Variants in SHROOM3 observed in about 807,000 individuals in gnomAD.
SHROOM3 encodes protein Shroom3.
In SHROOM3, 47 loss-of-function variants were observed where a neutral mutation model predicts 138.6. The ratio of observed to expected loss-of-function variants is 0.34; its 90% CI spans 0.27 to 0.43. SHROOM3 has a LOEUF of 0.43. Among genes scored for constraint, SHROOM3 ranks in the 20% least tolerant of loss-of-function variants. The probability of loss-of-function intolerance (pLI) is 1.00; values close to 1 mark genes in which losing one functional copy is unlikely to be tolerated. For synonymous variants in SHROOM3, 1,062 were observed against 1,063.3 expected (o/e 1.00, Z 0.02); for missense variants, 2,491 against 2,596.5 (o/e 0.96, Z 0.88).
At chr4:76,732,873 T>C (rs1362886368) in intron 4 of SHROOM3, among the ~76,000 whole-genome samples, 2 of 152,212 alleles carry the variant, frequency 1.3e-5, no homozygotes, top group Non-Finnish European at 2.9e-5. Flanking sequence ...ATTGGATTGT[T>C]GTGAGGATTA....
At chr4:76,680,117 G>A (rs371810898) in intron 2 of SHROOM3, among the ~76,000 whole-genome samples, 1 of 150,312 alleles carries the variant, frequency 6.7e-6, no homozygotes, top group Admixed American at 6.6e-5. Context: ...AGGTTTTGTT[G>A]TTTGGATTGC....
intron 9 of SHROOM3, among the ~76,000 whole-genome samples, chr4:76,763,923 G>A (rs974799252): frequency 3.9e-5 from 6 of 152,048 alleles, no homozygotes; most frequent in African/African-American, 9.7e-5. Flanking sequence ...TTCTAATGAT[G>A]GTTTAGAAAA....
intron 2 of SHROOM3, among the ~76,000 whole-genome samples, chr4:76,661,253 C>T (rs961306416): frequency 2.0e-5 from 3 of 149,572 alleles, no homozygotes; most frequent in Non-Finnish European, 3.0e-5. Context: ...TTTTCTGAGA[C>T]GGAGTCTCGC....
chr4:76,730,941 T>G lies in SHROOM3; in HGVS notation c.587+6T>G, dbSNP rs1720856514. ...CACCAAAGCTACCATTCCAGGTAAG[T>G]GGCTATAGCTGAGACTGAAGGGTTT... On this transcript the variant is annotated splice_donor_region_variant and intron_variant, in intron 4 of 10. Coordinates refer to ENST00000296043, the MANE Select transcript of SHROOM3 (RefSeq NM_020859.4). 6.2e-7 allele frequency: 1 copy of G among 1,613,954 alleles called. No individual in the cohort carries two copies. Among genetic ancestry groups the G allele is most frequent in the African/African-American group, 1.3e-5 (1 of 74,932 alleles).
At chr4:76,534,102 G>T (rs2110017066) in intron 1 of SHROOM3, among the ~76,000 whole-genome samples, 1 of 152,338 alleles carries the variant, frequency 6.6e-6, no homozygotes, top group East Asian at 1.9e-4. Context: ...CTGGCCCAGT[G>T]CCTGGTATGC....
At chr4:76,507,136 C>T (rs531435815) in intron 1 of SHROOM3, among the ~76,000 whole-genome samples, 1 of 152,146 alleles carries the variant, frequency 6.6e-6, no homozygotes, top group Admixed American at 6.5e-5. Context: ...TAACTTTATG[C>T]AACAAGGAAG....
At chr4:76,602,455 A>G (rs1261237433) in intron 2 of SHROOM3, among the ~76,000 whole-genome samples, 1 of 152,146 alleles carries the variant, frequency 6.6e-6, no homozygotes, top group African/African-American at 2.4e-5. Context: ...AATAAATGAT[A>G]CAGCCATATG....
intron 2 of SHROOM3, among the ~76,000 whole-genome samples, chr4:76,696,419 C>T (rs911789360): frequency 1.3e-5 from 2 of 152,216 alleles, no homozygotes; most frequent in African/African-American, 2.4e-5. Context: ...CCAGGTCTGG[C>T]TGGGGCGGAG....
At chr4:76,653,774 C>T (rs879493740) in intron 2 of SHROOM3, among the ~76,000 whole-genome samples, 3 of 152,176 alleles carry the variant, frequency 2.0e-5, no homozygotes, top group Admixed American at 2.0e-4. Context: ...CCATGTTGCA[C>T]AGGCTGGTCT....
chr4:76,651,416 A>G (rs1560580401), intron 2 of SHROOM3, among the ~76,000 whole-genome samples: 1 of 53,102 alleles, frequency 1.9e-5, no homozygotes, highest in East Asian at 6.9e-4. Context: ...ATATATATAT[A>G]TATATATATA....
At chr4:76,444,484 C>CTTTT (rs61655085) in intron 1 of SHROOM3, among the ~76,000 whole-genome samples, 320 of 60,190 alleles carry the variant, frequency 5.3e-3, no homozygotes, top group African/African-American at 5.8e-3. Context: ...CTCTTTCTTT[C>CTTTT]TTTTTTTTTT....
intron 2 of SHROOM3, among the ~76,000 whole-genome samples, chr4:76,622,361 T>C (rs1420752420): frequency 6.6e-6 from 1 of 152,076 alleles, no homozygotes; most frequent in Non-Finnish European, 1.5e-5. Context: ...AATCTTTTAC[T>C]TGAATGTCAA....
At chr4:76,684,442 C>A (rs1719279603) in intron 2 of SHROOM3, among the ~76,000 whole-genome samples, 2 of 152,176 alleles carry the variant, frequency 1.3e-5, no homozygotes, top group Non-Finnish European at 2.9e-5. Context: ...CTGTTTAAAC[C>A]TATACAGGTT....
chr4:76,461,020 TAAAAAAAAAAAG>T (rs200986114), intron 1 of SHROOM3, among the ~76,000 whole-genome samples: 11,954 of 141,638 alleles, frequency 0.084, 589 homozygotes, highest in South Asian at 0.2. Context: ...AAAAAAAATT[TAAAAAAAAAAAG>T]AAGAAAAAGC....
chr4:76,780,491 A>G lies in SHROOM3; in HGVS notation c.*1314A>G, dbSNP rs1354675224. On this transcript the variant is annotated 3_prime_UTR_variant, in exon 11 of 11. Coordinates refer to ENST00000296043, the MANE Select transcript of SHROOM3 (RefSeq NM_020859.4). ...TTGTTGATTTGGGCTTACGAGTTTCATAGTAGCCAGTCTTAGAAAATTGGG... is the reference window on the plus strand; with the variant it reads ...TTGTTGATTTGGGCTTACGAGTTTCGTAGTAGCCAGTCTTAGAAAATTGGG... The G allele has an allele frequency of 6.6e-6, 1 of 151,910 alleles. No homozygotes were observed. The highest frequency in any genetic ancestry group is 2.4e-5 in the African/African-American group (1 of 41,364). The allele number at this position is 151,910 out of a possible 1,614,324, so 9.4% of individuals were successfully genotyped here. A position where few individuals can be genotyped will look rare whatever the true frequency, so the allele number is the denominator to read the frequency against.
At chr4:76,674,496 G>A (rs1718972869) in intron 2 of SHROOM3, among the ~76,000 whole-genome samples, 1 of 146,200 alleles carries the variant, frequency 6.8e-6, no homozygotes, top group African/African-American at 2.5e-5. Context: ...TAGATCATAT[G>A]TCAAATTTAT....
chr4:76,528,544 C>CTTTTTTTTTTTTTTTTTTTTTT lies in SHROOM3; in HGVS notation c.169-27062_169-27061insTTTTTTTTTTTTTTTTTTTTTT, dbSNP rs146962643. On this transcript the variant is annotated intron_variant, in intron 1 of 10. Coordinates refer to ENST00000296043, the MANE Select transcript of SHROOM3 (RefSeq NM_020859.4). The stretch of plus-strand genomic sequence containing the variant: ...GGACTTCTCTCCTTTATCTTTCTTT[C>CTTTTTTTTTTTTTTTTTTTTTT]TTTCTTTTTTTTTTTTTTGAGGCAG... 9.7e-5 allele frequency among the ~76,000 whole-genome samples: 10 copies of CTTTTTTTTTTTTTTTTTTTTTT among 103,438 alleles called. 1 individual carries two copies. Among genetic ancestry groups the CTTTTTTTTTTTTTTTTTTTTTT allele is most frequent in the African/African-American group, 1.3e-4 (3 of 22,388 alleles). 67.9% of individuals were successfully genotyped at this position (103,438 alleles called of 152,430 possible). A position where few individuals can be genotyped will look rare whatever the true frequency, so the allele number is the denominator to read the frequency against.
intron 1 of SHROOM3, among the ~76,000 whole-genome samples, chr4:76,493,702 C>T (rs1184280936): frequency 1.3e-5 from 2 of 152,216 alleles, no homozygotes; most frequent in African/African-American, 4.8e-5. Flanking sequence ...AAATATTGGC[C>T]GGGTGTGGTG....
At position 76,740,686 on chromosome 4, in the gene SHROOM3, C is replaced by T; in HGVS notation, c.2513C>T (p.Ala838Val). 6.2e-7 allele frequency: 1 copy of T among 1,614,060 alleles called. No homozygotes were observed. The highest frequency in any genetic ancestry group is 1.1e-5 in the South Asian group (1 of 91,086). ...GCACACATTCGTTTCTCTGAGTCAG[C>T]TGAACCCCTAGGCAACGGGGAGCAG... ...TKAHIRFSES[A>V]EPLGNGEQHF... The change falls in exon 5 of 11, where the codon GCT becomes GTT. Residue 838 changes from alanine to valine, a missense_variant. Physicochemically the swap from Ala to Val is moderately conservative, Grantham distance 64. Coordinates refer to ENST00000296043, the MANE Select transcript of SHROOM3 (RefSeq NM_020859.4). The surrounding 1 kb of genome is among the most constrained non-coding windows in gnomAD (Gnocchi z 4.0).
Sources: gnomAD v4.1 joint callset for allele counts (sites outside exome capture counted in the v4.1 genomes callset) on GRCh38, gnomAD v4.1.1 for gene constraint, Gnocchi (gnomAD v3.1) non-coding constraint, MANE v1.5 for transcripts, NCBI Gene and HGNC (gene_info 2026-07-23, HGNC 2026-07-21) for gene names.